Variants in TEKT1 observed in about 807,000 individuals in gnomAD.
TEKT1 encodes the protein tektin 1.
TEKT1 carries 32 observed loss-of-function variants against 34.8 expected under a neutral mutation model. The observed-to-expected ratio is 0.92, with a 90% CI of 0.69 to 1.23. The LOEUF is 1.23. TEKT1 is among the 50% of genes most tolerant of loss of function. The pLI, the probability that TEKT1 is intolerant of heterozygous loss-of-function variation, is 0.00. For missense variants in TEKT1, 492 were observed against 518.5 expected (o/e 0.95, Z 0.50); for synonymous variants, 207 against 199.8 (o/e 1.04, Z -0.30).
chr17:6,829,267 C>G (rs985440594), intron 2 of TEKT1, among the ~76,000 whole-genome samples: 3 of 152,176 alleles, frequency 2.0e-5, no homozygotes, highest in African/African-American at 7.2e-5. Flanking sequence ...CACATCTACT[C>G]CGCCCCGTCT....
intron 2 of TEKT1, among the ~76,000 whole-genome samples, chr17:6,828,021 T>G (rs1904459699): frequency 6.6e-6 from 1 of 151,968 alleles, no homozygotes; most frequent in Non-Finnish European, 1.5e-5. Flanking sequence ...CTCGGCTCAC[T>G]GCAACCTCCA....
Position 6,815,242 on chromosome 17 carries a change from T to TG in TEKT1, c.549dup (p.Ile184HisfsTer3), listed in dbSNP as rs755633931. Reference sequence around the variant, plus strand: ...TTGAGCGAGAAGCAGATATCATCTATGGTCAGGGCCACAAACTTGTCCTTC... The same window carrying TG: ...TTGAGCGAGAAGCAGATATCATCTATGGGTCAGGGCCACAAACTTGTCCTTC... On this transcript the variant is annotated frameshift_variant, in exon 5 of 8. Coordinates refer to ENST00000338694, the MANE Select transcript of TEKT1 (RefSeq NM_053285.2). LOFTEE classifies it high-confidence loss of function. 11 of 1,614,142 alleles carry TG rather than the reference T, an allele frequency of 6.8e-6. No homozygotes were observed. The highest frequency in any genetic ancestry group is 8.5e-6 in the Non-Finnish European group (10 of 1,180,058).
In TEKT1 at chr17:6,800,921, T is replaced by C. The variant is rs748133116; in HGVS notation, c.875A>G (p.Gln292Arg). The C allele has an allele frequency of 3.7e-6, 6 of 1,613,704 alleles. No individual in the cohort carries two copies. Among genetic ancestry groups the C allele is most frequent in the Non-Finnish European group, 4.2e-6 (5 of 1,179,832 alleles). Residue 292 changes from glutamine (Q) to arginine (R), a missense_variant, in exon 7 of 8, where the codon CAG (glutamine) becomes CGG (arginine). By Grantham distance (43) the Gln-to-Arg change is conservative. Coordinates refer to ENST00000338694, the MANE Select transcript of TEKT1 (RefSeq NM_053285.2). ...TTCAAGAGCTGTAATATTTTTCTCC[T>C]GGGAAGCAATCTCTTCCATGACCTT... Reference protein sequence around the residue: ...LAKVMEEIASQEKNITALEKA... With the variant: ...LAKVMEEIASREKNITALEKA...
chr17:6,819,129 C>T, intron 3 of TEKT1, 64 bp downstream of exon 3: 1 of 1,557,010 alleles, frequency 6.4e-7, no homozygotes, highest in Non-Finnish European at 8.7e-7. Context: ...ACACAGCCGG[C>T]ATTTACTACC....
At chr17:6,821,893 G>C (rs1053859376) in intron 2 of TEKT1, among the ~76,000 whole-genome samples, 9 of 138,548 alleles carry the variant, frequency 6.5e-5, no homozygotes, top group Non-Finnish European at 1.3e-4. Flanking sequence ...GAATTTGAGA[G>C]AGATTATCTG....
Position 6,820,596 on chromosome 17 carries a change from A to T in TEKT1, c.191-1238T>A, listed in dbSNP as rs565600151. ...TTTATATTATTAATTTTTTCTCAAT[A>T]TGCCCTCAATATATTCCAACCCATC... On this transcript the variant is annotated intron_variant, in intron 2 of 7. Transcript: ENST00000338694. Among the ~76,000 whole-genome samples the T allele has an allele frequency of 8.5e-5, 13 of 152,276 alleles. No individual in the cohort carries two copies. In the South Asian group the frequency reaches 2.7e-3, roughly 32 times the overall value.
intron 6 of TEKT1, among the ~76,000 whole-genome samples, chr17:6,812,374 C>T (rs977682293): frequency 2.6e-5 from 4 of 152,148 alleles, no homozygotes; most frequent in Non-Finnish European, 4.4e-5. Context: ...CCAGGAGAAA[C>T]GACCAGCTAG....
chr17:6,803,734 TG>T (rs1165226710), intron 6 of TEKT1, among the ~76,000 whole-genome samples: 1 of 152,130 alleles, frequency 6.6e-6, no homozygotes, highest in African/African-American at 2.4e-5. Flanking sequence ...CCCCATTTCT[TG>T]TTTTTGTCAG....
chr17:6,812,726 T>G (rs769229412), intron 6 of TEKT1, 105 bp downstream of exon 6: 9 of 1,115,312 alleles, frequency 8.1e-6, no homozygotes, highest in Non-Finnish European at 1.2e-5. Flanking sequence ...TAACCCAATA[T>G]CCCAAGCCCA....
rs759478261 is a variant in TEKT1 at position 6,815,850 on chromosome 17, C to T, written c.469G>A (p.Ala157Thr). Residue 157 changes from alanine (A) to threonine (T), a missense_variant, in exon 4 of 8, where the codon GCT becomes ACT. Ala to Thr is a moderately conservative substitution (Grantham distance 58). Coordinates refer to ENST00000338694, the MANE Select transcript of TEKT1 (RefSeq NM_053285.2). ...GAGTCATACCGAATCTGCTCGGAAGCCTCCTCCAAGGTACGGGTCAGCAGA... is the reference window on the plus strand; with the variant it reads ...GAGTCATACCGAATCTGCTCGGAAGTCTCCTCCAAGGTACGGGTCAGCAGA... ...MALLTRTLEE[A>T]SEQIRMNRSA... The T allele has an allele frequency of 1.2e-6, 2 of 1,614,054 alleles. No homozygotes were observed. Among genetic ancestry groups the T allele is most frequent in the African/African-American group, 2.7e-5 (2 of 74,914 alleles).
At chr17:6,808,272 C>A (rs143619706) in intron 6 of TEKT1, among the ~76,000 whole-genome samples, 2 of 152,144 alleles carry the variant, frequency 1.3e-5, no homozygotes, top group African/African-American at 4.8e-5. Context: ...AAGCCATGTG[C>A]GGGATATAAT....
intron 2 of TEKT1, among the ~76,000 whole-genome samples, chr17:6,826,617 CAGATAGATAGATAGATAGATAGATAGAT>C (rs78082301): frequency 6.9e-6 from 1 of 145,886 alleles, no homozygotes. Context: ...CTTAGATTTG[CAGATAGATAGATAGATAGATAGATAGAT>C]AGATAGATAG....
intron 3 of TEKT1, among the ~76,000 whole-genome samples, 169 bp from the exon 4 acceptor site, chr17:6,816,131 A>C (rs562893471): frequency 5.6e-4 from 86 of 152,230 alleles, no homozygotes; most frequent in Non-Finnish European, 1.1e-3. Flanking sequence ...TGTGACTTCA[A>C]AATATCCAAA....
chr17:6,827,409 C>T (rs2151592400), intron 2 of TEKT1, among the ~76,000 whole-genome samples: 1 of 151,760 alleles, frequency 6.6e-6, no homozygotes, highest in Non-Finnish European at 1.5e-5. Flanking sequence ...TTACAGGCAC[C>T]CACCACCATG....
chr17:6,829,251 A>G (rs765285786), intron 2 of TEKT1, among the ~76,000 whole-genome samples: 6 of 151,936 alleles, frequency 3.9e-5, no homozygotes, highest in Non-Finnish European at 7.4e-5. Flanking sequence ...AACTTTTCCA[A>G]TTTTTCACAT....
intron 6 of TEKT1, among the ~76,000 whole-genome samples, chr17:6,809,856 T>C (rs1187042311): frequency 6.6e-6 from 1 of 152,236 alleles, no homozygotes; most frequent in Non-Finnish European, 1.5e-5. Flanking sequence ...CTGAATAATA[T>C]TTCATTGTCT....
intron 2 of TEKT1, among the ~76,000 whole-genome samples, chr17:6,825,064 C>G (rs1904358040): frequency 6.6e-6 from 1 of 151,764 alleles, no homozygotes; most frequent in African/African-American, 2.4e-5. Flanking sequence ...GAACAAAACG[C>G]TAAAGAACAC....
At position 6,812,830 on chromosome 17, in the gene TEKT1, C is replaced by T. The variant is rs200891223; in HGVS notation, c.852+1G>A. On this transcript the variant is annotated splice_donor_variant, in intron 6 of 7. Transcript: ENST00000338694. LOFTEE classifies it high-confidence loss of function. ...TTCCATGCTCCCTCAAGGGACCTCA[C>T]CTTGGCCAGATGATCAGCCAGCTTG... The T allele has an allele frequency of 2.5e-6, 4 of 1,613,326 alleles. No individual in the cohort carries two copies. The highest frequency in any genetic ancestry group is 3.4e-6 in the Non-Finnish European group (4 of 1,179,812).
intron 2 of TEKT1, among the ~76,000 whole-genome samples, chr17:6,821,661 A>G (rs1294566092): frequency 6.6e-6 from 1 of 152,174 alleles, no homozygotes; most frequent in Non-Finnish European, 1.5e-5. Context: ...TGGAGGGCTC[A>G]GAAGAAGACA....
Sources: allele counts gnomAD v4.1 joint callset (sites outside exome capture counted in the v4.1 genomes callset), GRCh38; gene constraint gnomAD v4.1.1; transcripts MANE v1.5; gene names NCBI Gene and HGNC (gene_info 2026-07-23, HGNC 2026-07-21).